ARID5B: variants seen among roughly 807,000 people sequenced by gnomAD.
The protein encoded by ARID5B is AT-rich interaction domain 5B.
ARID5B carries 13 observed loss-of-function variants against 97.2 expected under a neutral mutation model. The observed-to-expected ratio is 0.13, with a 90% CI of 0.09 to 0.21. The LOEUF (loss-of-function observed/expected upper bound fraction) is 0.21, where lower values mean the gene tolerates loss of function less well. Ranked by LOEUF, ARID5B falls within the 10% of genes least tolerant of loss-of-function variation. ARID5B has a pLI of 1.00. For missense variants in ARID5B, 1,210 were observed against 1,465.3 expected (o/e 0.83, Z 2.84); for synonymous variants, 556 against 570.3 (o/e 0.97, Z 0.36).
intron 8 of ARID5B, among the ~76,000 whole-genome samples, chr10:62,084,367 T>C (rs977943751): frequency 2.0e-5 from 3 of 152,192 alleles, no homozygotes; most frequent in Admixed American, 6.5e-5. Flanking sequence ...CCAAATAACA[T>C]AGATAGAAAC....
chr10:62,063,241 T>C (rs1839944446), intron 7 of ARID5B, among the ~76,000 whole-genome samples: 1 of 152,230 alleles, frequency 6.6e-6, no homozygotes, highest in Admixed American at 6.5e-5. Flanking sequence ...ACAAAATGTG[T>C]GAATTCAGGA....
rs1564473734 is a variant in ARID5B, at chr10:62,096,312, G to A, written c.*3282G>A. 2 of 233,688 alleles carry A rather than the reference G, an allele frequency of 8.6e-6. No homozygotes were observed. The highest frequency in any genetic ancestry group is 1.2e-4 in the East Asian group (2 of 16,578). 14.5% of individuals were successfully genotyped at this position (233,688 alleles called of 1,614,324 possible). Reference sequence around the variant, plus strand: ...AGGTGGTCCCACAAAAATATTTTATGTAGTGTGCCTTCAAAGAGAACCATT... The same window carrying A: ...AGGTGGTCCCACAAAAATATTTTATATAGTGTGCCTTCAAAGAGAACCATT... On this transcript the variant is annotated 3_prime_UTR_variant, in exon 10 of 10. Coordinates refer to ENST00000279873, the MANE Select transcript of ARID5B (RefSeq NM_032199.3).
chr10:61,965,515 A>T (rs1447974097), intron 3 of ARID5B, among the ~76,000 whole-genome samples: 1 of 152,184 alleles, frequency 6.6e-6, no homozygotes, highest in African/African-American at 2.4e-5. Flanking sequence ...TTACTCTGTC[A>T]TGTAGATGAG....
intron 3 of ARID5B, among the ~76,000 whole-genome samples, chr10:61,997,526 A>G (rs866531353): frequency 1.3e-5 from 2 of 152,312 alleles, no homozygotes; most frequent in Non-Finnish European, 1.5e-5. Context: ...ATTTTTCTCC[A>G]TTTTATTTCA....
At chr10:62,002,260 T>A (rs1839089325) in intron 4 of ARID5B, among the ~76,000 whole-genome samples, 1 of 152,182 alleles carries the variant, frequency 6.6e-6, no homozygotes, top group African/African-American at 2.4e-5. Context: ...TTGTTAAGAG[T>A]TACTAAATTA....
chr10:62,000,209 A>G lies in ARID5B; in HGVS notation c.621A>G (p.Ala207=). The G allele has an allele frequency of 6.2e-7, 1 of 1,613,998 alleles. No homozygotes were observed. Among genetic ancestry groups the G allele is most frequent in the Non-Finnish European group, 8.5e-7 (1 of 1,179,912 alleles). The change falls in exon 4 of 10, where the codon GCA becomes GCG. Residue 207 remains alanine, a synonymous_variant. Coordinates refer to ENST00000279873, the MANE Select transcript of ARID5B (RefSeq NM_032199.3). The surrounding 1 kb of genome is among the most constrained non-coding windows in gnomAD (Gnocchi z 4.4). ...CTTCCATTCTAACGGACCAGTTTGCATTGGCCCTGGGGGGCATTGCAGTGG... is the reference window on the plus strand; with the variant it reads ...CTTCCATTCTAACGGACCAGTTTGCGTTGGCCCTGGGGGGCATTGCAGTGG... ...KPSSILTDQF[A]LALGGIAVVS... is the part of the protein sequence containing the mutation.
chr10:61,994,100 T>C (rs1838964604), intron 3 of ARID5B, among the ~76,000 whole-genome samples: 1 of 152,204 alleles, frequency 6.6e-6, no homozygotes, highest in African/African-American at 2.4e-5. Context: ...TTGTTTCTAT[T>C]GGCATCCAAA....
chr10:61,939,313 T>C (rs1348912210), intron 2 of ARID5B, among the ~76,000 whole-genome samples: 1 of 152,162 alleles, frequency 6.6e-6, no homozygotes, highest in African/African-American at 2.4e-5. Context: ...CAAAGAATCT[T>C]TGGGTGAAGG....
intron 4 of ARID5B, among the ~76,000 whole-genome samples, chr10:62,038,896 T>C (rs928380709): frequency 6.6e-6 from 1 of 152,218 alleles, no homozygotes; most frequent in Admixed American, 6.5e-5. Context: ...TAATATCAGC[T>C]AAGTGTTTGA....
At chr10:61,935,039 C>A (rs7071908) in intron 2 of ARID5B, among the ~76,000 whole-genome samples, 2,999 of 150,416 alleles carry the variant, frequency 0.02, 110 homozygotes, top group African/African-American at 0.07. Context: ...GATTACAGAT[C>A]AACATACTGG....
In ARID5B at chr10:61,921,934, C is replaced by T. The variant is rs1159045874; in HGVS notation, c.277-18249C>T. On this transcript the variant is annotated intron_variant, in intron 2 of 9. Coordinates refer to ENST00000279873, the MANE Select transcript of ARID5B (RefSeq NM_032199.3). ...ACGGCTCACTGCAGCCTCGACCTCCCTGGCTCAAGCGATCCTCCCACCTCA... is the reference window on the plus strand; with the variant it reads ...ACGGCTCACTGCAGCCTCGACCTCCTTGGCTCAAGCGATCCTCCCACCTCA... 2.6e-5 allele frequency among the ~76,000 whole-genome samples: 4 copies of T among 152,180 alleles called. No individual in the cohort carries two copies. In the East Asian group the frequency reaches 7.7e-4, roughly 29 times the overall value.
intron 3 of ARID5B, among the ~76,000 whole-genome samples, chr10:61,967,110 T>G (rs1838556752): frequency 6.6e-6 from 1 of 152,174 alleles, no homozygotes; most frequent in Admixed American, 6.5e-5. Flanking sequence ...TTTTTAGCCC[T>G]TTAAGAGCAT....
intron 3 of ARID5B, among the ~76,000 whole-genome samples, chr10:61,950,170 G>A (rs552200125): frequency 1.2e-4 from 19 of 152,132 alleles, no homozygotes; most frequent in Non-Finnish European, 2.4e-4. Context: ...ACCACGCCCA[G>A]CTAATTTTTG....
chr10:62,088,574 G>C (rs938458203), intron 9 of ARID5B, among the ~76,000 whole-genome samples: 2 of 152,170 alleles, frequency 1.3e-5, no homozygotes, highest in African/African-American at 4.8e-5. Flanking sequence ...TCCCTTCAGG[G>C]AGCTGTAAGT....
chr10:61,916,673 C>T (rs919168045), intron 2 of ARID5B, among the ~76,000 whole-genome samples: 5 of 152,066 alleles, frequency 3.3e-5, no homozygotes, highest in African/African-American at 1.2e-4. Context: ...GTTTTAATTC[C>T]AAAATGCAGG....
intron 2 of ARID5B, among the ~76,000 whole-genome samples, chr10:61,902,842 T>C (rs1431095682): frequency 6.6e-6 from 1 of 152,062 alleles, no homozygotes; most frequent in Non-Finnish European, 1.5e-5. Flanking sequence ...TGGGTTTCGA[T>C]ATTGTTCTTT....
At chr10:61,935,044 T>C (rs1408239984) in intron 2 of ARID5B, among the ~76,000 whole-genome samples, 3 of 148,916 alleles carry the variant, frequency 2.0e-5, no homozygotes, top group African/African-American at 7.4e-5. Flanking sequence ...CAGATCAACA[T>C]ACTGGATATA....
chr10:61,947,026 A>T (rs1038437741), intron 3 of ARID5B, among the ~76,000 whole-genome samples: 1 of 152,138 alleles, frequency 6.6e-6, no homozygotes, highest in Non-Finnish European at 1.5e-5. Context: ...TTTCCAAAGG[A>T]TTTTCTCTCT....
At chr10:62,046,125 T>C (rs1839705374) in intron 4 of ARID5B, among the ~76,000 whole-genome samples, 2 of 152,226 alleles carry the variant, frequency 1.3e-5, no homozygotes, top group South Asian at 4.1e-4. Context: ...GGAAGAGTTG[T>C]TAACTGATGA....
Sources: allele counts gnomAD v4.1 joint callset (sites outside exome capture counted in the v4.1 genomes callset), GRCh38; gene constraint gnomAD v4.1.1; non-coding constraint Gnocchi (gnomAD v3.1); transcripts MANE v1.5; gene names NCBI Gene and HGNC (gene_info 2026-07-23, HGNC 2026-07-21).